POU2F2: variants seen among roughly 807,000 people sequenced by gnomAD.
POU2F2 encodes the protein POU domain, class 2, transcription factor 2.
Under a neutral mutation model 63.5 loss-of-function variants are expected in POU2F2, and 14 were observed. That is an observed-to-expected ratio of 0.22 (90% CI 0.15 to 0.34). The LOEUF is 0.34. Among genes scored for constraint, POU2F2 ranks in the 10% least tolerant of loss-of-function variants. The pLI, the probability that POU2F2 is intolerant of heterozygous loss-of-function variation, is 1.00. For missense variants in POU2F2, 607 were observed against 815.2 expected (o/e 0.74, Z 3.11); for synonymous variants, 306 against 348.6 (o/e 0.88, Z 1.36).
Position 42,122,371 on chromosome 19 carries a change from T to G in POU2F2, c.102A>C (p.Glu34Asp), listed in dbSNP as rs1404001262. 1 of 1,612,044 alleles carries G rather than the reference T, an allele frequency of 6.2e-7. No individual in the cohort carries two copies. The highest frequency in any genetic ancestry group is 8.5e-7 in the Non-Finnish European group (1 of 1,179,308). Reference sequence around the variant, plus strand: ...GATGATTAGTGTCTGGTCCATTTCTTTCGGTGTCTGCAAAGAGAGGGAAAG... The same window carrying G: ...GATGATTAGTGTCTGGTCCATTTCTGTCGGTGTCTGCAAAGAGAGGGAAAG... ...LDSPSEHTDT[E>D]RNGPDTNHQN... The change falls in exon 3 of 15, where the codon GAA (glutamate) becomes GAC (aspartate). Residue 34 changes from glutamate (E) to aspartate (D), a missense_variant. Around this residue, in one of 7 missense-constraint regions of POU2F2, gnomAD observed 224 missense variants for 264.3 expected, o/e 0.85. Transcript: ENST00000692977.
intron 5 of POU2F2, among the ~76,000 whole-genome samples, chr19:42,115,914 A>G (rs924346484): frequency 1.3e-5 from 2 of 152,250 alleles, no homozygotes; most frequent in African/African-American, 4.8e-5. Flanking sequence ...AGACAGGTGC[A>G]CAGAGAGAAG....
At chr19:42,148,393 G>A (rs577544058) in intron 2 of POU2F2, among the ~76,000 whole-genome samples, 2 of 152,292 alleles carry the variant, frequency 1.3e-5, no homozygotes, top group East Asian at 1.9e-4. Context: ...GGGTAAATAC[G>A]TGGGTCTGTA....
Position 42,091,295 on chromosome 19 carries a change from C to T in POU2F2, c.1837G>A (p.Gly613Ser), listed in dbSNP as rs964900627. The stretch of plus-strand genomic sequence containing the variant: ...GACCCTGCCTCGGGCCCCCCTGGAC[C>T]TCCAGGGGTCTGTGCTGCCGTCTCG... ...CSETAAQTPG[G>S]PGGPEAGSKP... The change falls in exon 15 of 15, where the codon GGT (glycine) becomes AGT (serine). Residue 613 changes from glycine to serine, a missense_variant. Physicochemically the swap from Gly to Ser is moderately conservative, Grantham distance 56. This residue lies in a region of POU2F2 where 270 missense variants were observed against 307.5 expected (regional missense o/e 0.88). Coordinates refer to ENST00000692977, the MANE Select transcript of POU2F2 (RefSeq NM_001394376.1). 3 of 1,533,776 alleles carry T rather than the reference C, an allele frequency of 2.0e-6. No homozygotes were observed. In the African/African-American group the frequency reaches 4.1e-5, roughly 21 times the overall value.
intron 1 of POU2F2, among the ~76,000 whole-genome samples, chr19:42,170,868 C>A (rs1405299640): frequency 6.6e-6 from 1 of 152,258 alleles, no homozygotes; most frequent in Non-Finnish European, 1.5e-5. Flanking sequence ...GGGCCCCCAG[C>A]CAGCTTCAGC....
At chr19:42,187,075 T>C (rs1319794718) in intron 1 of POU2F2, among the ~76,000 whole-genome samples, 1 of 152,104 alleles carries the variant, frequency 6.6e-6, no homozygotes, top group Non-Finnish European at 1.5e-5. Flanking sequence ...AGTTGATAGC[T>C]GAAATCACGA....
At position 42,096,243 on chromosome 19, in the gene POU2F2, C is replaced by T; in HGVS notation, c.568G>A (p.Ala190Thr). The T allele has an allele frequency of 6.4e-7, 1 of 1,569,284 alleles. No homozygotes were observed. ...TCGGGCAGCGTAGGGCGGGTCACGG[C>T]CTGGTGGGGTGGGCAGGTGGGTGGG... ...SQPRAGLPTQAVTRPTLPDPH... is the reference protein window; with the variant it reads ...SQPRAGLPTQTVTRPTLPDPH... Residue 190 changes from alanine to threonine, a missense_variant and splice_region_variant, in exon 8 of 15, where the codon GCC becomes ACC. Physicochemically the swap from Ala to Thr is moderately conservative, Grantham distance 58. Around this residue, in one of 7 missense-constraint regions of POU2F2, gnomAD observed 224 missense variants for 264.3 expected, o/e 0.85. Coordinates refer to ENST00000692977, the MANE Select transcript of POU2F2 (RefSeq NM_001394376.1). This position sits in a 1 kb window ranked among gnomAD's most constrained non-coding sequence, Gnocchi z 4.1.
At chr19:42,149,989 G>C (rs1206641526) in intron 2 of POU2F2, among the ~76,000 whole-genome samples, 3 of 152,210 alleles carry the variant, frequency 2.0e-5, no homozygotes, top group Non-Finnish European at 4.4e-5. Flanking sequence ...ACTGAGAGCT[G>C]AAGTGCTGTA....
At chr19:42,154,269 C>T (rs563954979) in intron 2 of POU2F2, among the ~76,000 whole-genome samples, 3 of 151,170 alleles carry the variant, frequency 2.0e-5, no homozygotes, top group East Asian at 3.9e-4. Context: ...CCCCGAGAGA[C>T]GACAAGAGAA....
Position 42,089,171 on chromosome 19 carries a change from T to C in POU2F2, c.*2086A>G, listed in dbSNP as rs1402040899. The C allele has an allele frequency of 6.6e-6, 1 of 152,118 alleles. No individual in the cohort carries two copies. Among genetic ancestry groups the C allele is most frequent in the Non-Finnish European group, 1.5e-5 (1 of 67,976 alleles). The allele number at this position is 152,118 out of a possible 1,614,324, so 9.4% of individuals were successfully genotyped here. ...TGTCCTTCACTGCAACACTTTGGTT[T>C]GAGGAGAGACACAGAAAGAACAAGA... On this transcript the variant is annotated 3_prime_UTR_variant, in exon 15 of 15. Transcript: ENST00000692977.
chr19:42,195,921 A>G (rs1459771620), intron 1 of POU2F2, among the ~76,000 whole-genome samples: 1 of 151,934 alleles, frequency 6.6e-6, no homozygotes, highest in Non-Finnish European at 1.5e-5. Flanking sequence ...TTGGGATTAC[A>G]GGCATGTGCC....
At chr19:42,129,671 G>C (rs1317328758) in intron 1 of POU2F2, among the ~76,000 whole-genome samples, 8 of 152,222 alleles carry the variant, frequency 5.3e-5, no homozygotes, top group African/African-American at 2.4e-5. Flanking sequence ...CCTGTGGGCA[G>C]GTTGGTGCTG....
chr19:42,119,080 G>C (rs1217092976), intron 4 of POU2F2, among the ~76,000 whole-genome samples: 1 of 151,612 alleles, frequency 6.6e-6, no homozygotes, highest in East Asian at 1.9e-4. Context: ...CTTGAGGCCA[G>C]GAGTTTGAGA....
Position 42,090,984 on chromosome 19 carries a change from TGGTTTG to T in POU2F2, c.*267_*272del. 1 of 282,098 alleles carries T rather than the reference TGGTTTG, an allele frequency of 3.5e-6. No individual in the cohort carries two copies. The highest frequency in any genetic ancestry group is 6.6e-6 in the Non-Finnish European group (1 of 152,492). The allele number at this position is 282,098 out of a possible 1,614,324, so 17.5% of individuals were successfully genotyped here. ...TGATTTTGTGGGTTTTTTTTTTTTTTGGTTTGTTTTTGGTTTTTTTTTGTTTGTTTT... is the reference window on the plus strand; with the variant it reads ...TGATTTTGTGGGTTTTTTTTTTTTTTTTTTTGGTTTTTTTTTGTTTGTTTT... On this transcript the variant is annotated 3_prime_UTR_variant, in exon 15 of 15. Transcript: ENST00000692977. This position sits in a 1 kb window ranked among gnomAD's most constrained non-coding sequence, Gnocchi z 4.4.
In POU2F2 at chr19:42,092,321, A is replaced by G. The variant is rs1296878254; in HGVS notation, c.1265-51T>C. 4 of 1,394,300 alleles carry G rather than the reference A, an allele frequency of 2.9e-6. No individual in the cohort carries two copies. In the South Asian group the frequency reaches 3.7e-5, roughly 13 times the overall value. 86.4% of individuals were successfully genotyped at this position (1,394,300 alleles called of 1,614,324 possible). On this transcript the variant is annotated intron_variant, in intron 12 of 14. Coordinates refer to ENST00000692977, the MANE Select transcript of POU2F2 (RefSeq NM_001394376.1). The surrounding 1 kb of genome is among the most constrained non-coding windows in gnomAD (Gnocchi z 5.0). ...GGTCTTCAGCTTCCACTCGTCCCCC[A>G]CTGAGGAACCTGGGGTCAGCTCCTA...
intron 1 of POU2F2, among the ~76,000 whole-genome samples, chr19:42,124,358 A>G (rs2032988745): frequency 6.6e-6 from 1 of 151,712 alleles, no homozygotes; most frequent in Non-Finnish European, 1.5e-5. Flanking sequence ...GGGATAAGAA[A>G]TAGGAAGAAC....
chr19:42,129,157 C>T (rs371859533), intron 1 of POU2F2, among the ~76,000 whole-genome samples: 1 of 152,120 alleles, frequency 6.6e-6, no homozygotes, highest in African/African-American at 2.4e-5. Flanking sequence ...CTAATGTGCT[C>T]CATCCCCTGG....
In POU2F2 at chr19:42,090,312, GGGGA is replaced by G. The variant is rs1347262865; in HGVS notation, c.*941_*944del. ...TGAAATTTCCACCTTCCCATAGGCT[GGGGA>G]GGGAGTCAGTTCCAGAGCAGAGGAG... is the stretch of plus-strand genomic sequence containing the variant. On this transcript the variant is annotated 3_prime_UTR_variant, in exon 15 of 15. Transcript: ENST00000692977. The surrounding 1 kb of genome is among the most constrained non-coding windows in gnomAD (Gnocchi z 4.4). 1 of 152,574 alleles carries G rather than the reference GGGGA, an allele frequency of 6.6e-6. No homozygotes were observed. Among genetic ancestry groups the G allele is most frequent in the African/African-American group, 2.4e-5 (1 of 41,402 alleles). 9.5% of individuals were successfully genotyped at this position (152,574 alleles called of 1,614,324 possible). A position where few individuals can be genotyped will look rare whatever the true frequency, so the allele number is the denominator to read the frequency against.
intron 1 of POU2F2, among the ~76,000 whole-genome samples, chr19:42,196,213 C>A (rs2035143930): frequency 1.3e-5 from 2 of 152,144 alleles, no homozygotes; most frequent in Admixed American, 6.5e-5. Context: ...GGCCACAGTC[C>A]CCTCAAGGAC....
At chr19:42,141,557 C>T (rs1255349380) in intron 2 of POU2F2, among the ~76,000 whole-genome samples, 1 of 143,696 alleles carries the variant, frequency 7.0e-6, no homozygotes, top group Non-Finnish European at 1.5e-5. Context: ...TCTTGGCTCA[C>T]TACAACCTCT....
Sources: allele counts gnomAD v4.1 joint callset (sites outside exome capture counted in the v4.1 genomes callset), GRCh38; gene constraint gnomAD v4.1.1; regional missense constraint gnomAD v4.1.1; non-coding constraint Gnocchi (gnomAD v3.1); transcripts MANE v1.5; gene names NCBI Gene and HGNC (gene_info 2026-07-23, HGNC 2026-07-21).